The following NFIA variants were observed in gnomAD, a reference collection of about 807,000 sequenced individuals.
NFIA encodes nuclear factor I A.
Under a neutral mutation model 62.8 loss-of-function variants are expected in NFIA, and 8 were observed. That is an observed-to-expected ratio of 0.13 (90% CI 0.07 to 0.23). The LOEUF is 0.23. Among genes scored for constraint, NFIA ranks in the 10% least tolerant of loss-of-function variants. NFIA has a pLI of 1.00. For missense variants in NFIA, 410 were observed against 642.1 expected, an observed-to-expected ratio of 0.64 and a Z score of 3.91; for synonymous variants, 235 against 238.1, an observed-to-expected ratio of 0.99 and a Z score of 0.12.
chr1:61,138,009 AT>A (rs1365651758), intron 2 of NFIA, among the ~76,000 whole-genome samples: 1 of 148,830 alleles, frequency 6.7e-6, no homozygotes, highest in Non-Finnish European at 1.5e-5. Flanking sequence ...GAGAAAAGTG[AT>A]TATGGTAACT....
At position 61,461,574 on chromosome 1, in the gene NFIA, G is replaced by C. The variant is rs907435055; in HGVS notation, c.*6254G>C. ...AGATTAGGGGGATGGTATGTGGGGA[G>C]CAGATAGCGGAAATGCTTAGAAAGA... On this transcript the variant is annotated 3_prime_UTR_variant, in exon 11 of 11. Coordinates refer to ENST00000403491, the MANE Select transcript of NFIA (RefSeq NM_001134673.4). The C allele has an allele frequency of 3.9e-5, 6 of 152,146 alleles. No homozygotes were observed. Among genetic ancestry groups the C allele is most frequent in the African/African-American group, 1.2e-4 (5 of 41,402 alleles). 9.4% of individuals were successfully genotyped at this position (152,146 alleles called of 1,614,324 possible).
chr1:61,273,000 G>A (rs965283631), intron 2 of NFIA, among the ~76,000 whole-genome samples: 5 of 152,128 alleles, frequency 3.3e-5, no homozygotes, highest in African/African-American at 9.7e-5. Flanking sequence ...TGAAACTTAG[G>A]CTATATTATT....
intron 7 of NFIA, among the ~76,000 whole-genome samples, chr1:61,385,140 G>A (rs1664612671): frequency 6.6e-6 from 1 of 152,170 alleles, no homozygotes; most frequent in African/African-American, 2.4e-5. Context: ...GTGAGGCTGA[G>A]GCAGGAGAAT....
chr1:61,078,806 T>C (rs1420524739), upstream of NFIA, among the ~76,000 whole-genome samples: 1 of 152,188 alleles, frequency 6.6e-6, no homozygotes, highest in African/African-American at 2.4e-5. Flanking sequence ...GTGGAGAGTG[T>C]ATGGAAGATC....
intron 6 of NFIA, among the ~76,000 whole-genome samples, chr1:61,370,491 GA>G (rs1663826637): frequency 1.3e-5 from 2 of 152,140 alleles, no homozygotes; most frequent in South Asian, 4.1e-4. Flanking sequence ...TGTTAAACTT[GA>G]AAAATTAAAC....
chr1:61,094,415 C>G (rs563746440), intron 2 of NFIA, among the ~76,000 whole-genome samples: 3 of 152,294 alleles, frequency 2.0e-5, no homozygotes, highest in South Asian at 4.1e-4. Context: ...TATAATTTGT[C>G]TTCCCACAAT....
intron 2 of NFIA, among the ~76,000 whole-genome samples, chr1:61,135,942 G>A (rs1050616371): frequency 2.0e-5 from 3 of 151,950 alleles, no homozygotes; most frequent in Non-Finnish European, 4.4e-5. Flanking sequence ...TTTTTAAGTA[G>A]CAAGGGCTAT....
At chr1:61,429,528 CTTTTGTCCCTAA>C (rs1219314784) in intron 10 of NFIA, among the ~76,000 whole-genome samples, 3 of 152,202 alleles carry the variant, frequency 2.0e-5, no homozygotes, top group African/African-American at 7.2e-5. Context: ...GGAGTCCCTG[CTTTTGTCCCTAA>C]GACTGCATTA....
intron 2 of NFIA, among the ~76,000 whole-genome samples, chr1:61,096,860 G>T (rs774123404): frequency 5.9e-5 from 9 of 151,892 alleles, no homozygotes; most frequent in Non-Finnish European, 8.8e-5. Context: ...GACAAGATTA[G>T]TTCTTAATGA....
At position 61,411,818 on chromosome 1, in the gene NFIA, G is replaced by A. The variant is rs1666117085; in HGVS notation, c.1420+5091G>A. On this transcript the variant is annotated intron_variant, in intron 9 of 10. Coordinates refer to ENST00000403491, the MANE Select transcript of NFIA (RefSeq NM_001134673.4). Reference sequence around the variant, plus strand: ...AGTCTGGACAAAGACGAGAGGGTGAGCAAGGATGCAGTAGGAGGAGAGGTT... The same window carrying A: ...AGTCTGGACAAAGACGAGAGGGTGAACAAGGATGCAGTAGGAGGAGAGGTT... 2.0e-5 allele frequency among the ~76,000 whole-genome samples: 3 copies of A among 151,792 alleles called. No homozygotes were observed. In the South Asian group the frequency reaches 6.3e-4, roughly 32 times the overall value.
chr1:61,078,159 T>A (rs915944376), upstream of NFIA, among the ~76,000 whole-genome samples: 2 of 152,042 alleles, frequency 1.3e-5, no homozygotes, highest in African/African-American at 2.4e-5. Context: ...AGAGGAGATC[T>A]GAAGTTCTCT....
chr1:61,325,220 A>G (rs555076611), intron 3 of NFIA, among the ~76,000 whole-genome samples: 4 of 152,182 alleles, frequency 2.6e-5, no homozygotes, highest in Non-Finnish European at 5.9e-5. Flanking sequence ...TATTAATAAT[A>G]TCTGAATTTG....
chr1:61,126,865 A>T (rs1352629350), intron 2 of NFIA, among the ~76,000 whole-genome samples: 2 of 128,140 alleles, frequency 1.6e-5, no homozygotes, highest in Non-Finnish European at 3.2e-5. Context: ...GCTCACTGCA[A>T]CCTCCACCTC....
At position 61,107,520 on chromosome 1, in the gene NFIA, G is replaced by A. The variant is rs115106327; in HGVS notation, c.559+18840G>A. Among the ~76,000 whole-genome samples, 500 of 151,170 alleles carry A rather than the reference G, an allele frequency of 3.3e-3. 1 individual carries two copies. Among genetic ancestry groups the A allele is most frequent in the Middle Eastern group, 0.01 (3 of 294 alleles). ...TTTATTCATTTTTTTCTATTTTATT[G>A]CTTATTGTTTACTTATTGGTTTGTA... is the stretch of plus-strand genomic sequence containing the variant. On this transcript the variant is annotated intron_variant, in intron 2 of 10. Coordinates refer to ENST00000403491, the MANE Select transcript of NFIA (RefSeq NM_001134673.4).
At chr1:61,236,229 C>T (rs1655005501) in intron 2 of NFIA, among the ~76,000 whole-genome samples, 1 of 151,586 alleles carries the variant, frequency 6.6e-6, no homozygotes, top group South Asian at 2.1e-4. Flanking sequence ...AACATGGGAA[C>T]AGCCATCCTA....
intron 3 of NFIA, among the ~76,000 whole-genome samples, chr1:61,321,178 AG>A (rs1257060240): frequency 1.1e-3 from 162 of 152,286 alleles, no homozygotes; most frequent in African/African-American, 3.7e-3. Flanking sequence ...AGAAGACCTT[AG>A]CTTTTCTAAT....
intron 2 of NFIA, among the ~76,000 whole-genome samples, chr1:61,144,100 AAAG>A (rs1416828329): frequency 1.3e-5 from 2 of 152,354 alleles, no homozygotes; most frequent in African/African-American, 4.8e-5. Flanking sequence ...AGTGAACAAA[AAAG>A]AATCCTTGCT....
At position 61,456,065 on chromosome 1, in the gene NFIA, T is replaced by C. The variant is rs982443814; in HGVS notation, c.*745T>C. 1.3e-5 allele frequency: 2 copies of C among 152,350 alleles called. No individual in the cohort carries two copies. The highest frequency in any genetic ancestry group is 2.9e-5 in the Non-Finnish European group (2 of 67,836). 9.4% of individuals were successfully genotyped at this position (152,350 alleles called of 1,614,324 possible). ...TTTAAAAAAACAACAACAACATTTT[T>C]TCAACAATTTCAACAATGACACAAA... On this transcript the variant is annotated 3_prime_UTR_variant, in exon 11 of 11. Coordinates refer to ENST00000403491, the MANE Select transcript of NFIA (RefSeq NM_001134673.4).
intron 2 of NFIA, among the ~76,000 whole-genome samples, chr1:61,245,651 G>T (rs1655591097): frequency 6.6e-6 from 1 of 151,998 alleles, no homozygotes; most frequent in Non-Finnish European, 1.5e-5. Flanking sequence ...AAAGTCCTTT[G>T]TAAACTGTTA....
Sources: allele counts gnomAD v4.1 joint callset (sites outside exome capture counted in the v4.1 genomes callset), GRCh38; gene constraint gnomAD v4.1.1; transcripts MANE v1.5; gene names NCBI Gene and HGNC (gene_info 2026-07-23, HGNC 2026-07-21).